Variants in CEP63 observed in about 807,000 individuals in gnomAD.
CEP63 encodes centrosomal protein 63.
CEP63 carries 84 observed loss-of-function variants against 89.1 expected under a neutral mutation model. That is an observed-to-expected ratio of 0.94 (90% CI 0.79 to 1.13). The LOEUF (loss-of-function observed/expected upper bound fraction) is 1.13, where lower values mean the gene tolerates loss of function less well. Among genes scored for constraint, CEP63 ranks in the 50% most tolerant of loss-of-function variants. The pLI, the probability that CEP63 is intolerant of heterozygous loss-of-function variation, is 0.00. For synonymous variants in CEP63, 267 were observed against 272.5 expected, an observed-to-expected ratio of 0.98 and a Z score of 0.20; for missense variants, 838 against 813.3, an observed-to-expected ratio of 1.03 and a Z score of -0.37.
At chr3:134,627,659 AT>A in the CEP63 span, 1 of 1,090,706 alleles carries the variant, frequency 9.2e-7, no homozygotes, top group Non-Finnish European at 1.4e-6. Context: ...GCCTCTCAGC[AT>A]AGTGGCCCAG....
the CEP63 span, chr3:134,629,596 C>A: frequency 6.4e-7 from 1 of 1,571,478 alleles, no homozygotes; most frequent in Admixed American, 1.8e-5. Flanking sequence ...CAGCCCTCCA[C>A]CATGAGTACC....
the CEP63 span, among the ~76,000 whole-genome samples, chr3:134,700,172 C>T: frequency 6.6e-6 from 1 of 152,346 alleles, no homozygotes; most frequent in East Asian, 1.9e-4. Context: ...ATTTTTTTCA[C>T]TGCCAATATT....
At chr3:134,698,128 G>A in the CEP63 span, among the ~76,000 whole-genome samples, 1 of 152,204 alleles carries the variant, frequency 6.6e-6, no homozygotes, top group South Asian at 2.1e-4. Flanking sequence ...AGCATGGATG[G>A]CACACTTTCC....
At chr3:134,505,975 T>C (rs1576849206) in intron 2 of CEP63, among the ~76,000 whole-genome samples, 1 of 152,278 alleles carries the variant, frequency 6.6e-6, no homozygotes, top group South Asian at 2.1e-4. Flanking sequence ...TCACAGCATT[T>C]TGGGGGGACT....
At chr3:134,636,398 C>T in the CEP63 span, among the ~76,000 whole-genome samples, 1 of 152,220 alleles carries the variant, frequency 6.6e-6, no homozygotes, top group Non-Finnish European at 1.5e-5. Context: ...GGCCAATTAG[C>T]ACATGCCAGA....
the CEP63 span, among the ~76,000 whole-genome samples, chr3:134,714,690 G>A: frequency 2.0e-5 from 3 of 152,244 alleles, no homozygotes; most frequent in African/African-American, 4.8e-5. Flanking sequence ...TCCCTGGCCA[G>A]CAGCTCAGCT....
intron 11 of CEP63, among the ~76,000 whole-genome samples, chr3:134,571,198 T>C (rs1188131298): frequency 6.6e-6 from 1 of 152,212 alleles, no homozygotes; most frequent in Non-Finnish European, 1.5e-5. Context: ...AGCCTCTGAA[T>C]GGGATTAGGA....
chr3:134,515,313 T>A (rs1240711409), intron 3 of CEP63, among the ~76,000 whole-genome samples: 1 of 152,130 alleles, frequency 6.6e-6, no homozygotes, highest in Non-Finnish European at 1.5e-5. Context: ...TGTAACAAGA[T>A]GAAAGCTTTA....
At chr3:134,645,102 T>C in the CEP63 span, among the ~76,000 whole-genome samples, 2,730 of 152,322 alleles carry the variant, frequency 0.018, 113 homozygotes, top group South Asian at 0.11. Context: ...GGCTGCACAA[T>C]TGGTTTCCCT....
At chr3:134,588,920 G>T (rs543811881), downstream of CEP63, among the ~76,000 whole-genome samples, 1 of 151,992 alleles carries the variant, frequency 6.6e-6, no homozygotes, top group Non-Finnish European at 1.5e-5. Flanking sequence ...TAACAAAAAG[G>T]CATCAATAAC....
intron 5 of CEP63, 67 bp from the exon 6 acceptor site, chr3:134,537,088 G>A: frequency 1.0e-6 from 1 of 964,282 alleles, no homozygotes; most frequent in Non-Finnish European, 1.7e-6. Flanking sequence ...AAAGTTAAAG[G>A]GAGTCTGGGA....
intron 6 of CEP63, among the ~76,000 whole-genome samples, chr3:134,541,551 T>C (rs1441417754): frequency 1.3e-5 from 2 of 150,332 alleles, no homozygotes; most frequent in Non-Finnish European, 3.0e-5. Context: ...TTTTCGCTCT[T>C]GTTGCCCAGG....
rs151116336 is a variant in CEP63, at chr3:134,545,599, A to G, written c.569A>G (p.Asn190Ser). The change falls in exon 7 of 15, where the codon AAT becomes AGT. Residue 190 changes from asparagine (N) to serine (S), a missense_variant. Coordinates refer to ENST00000675561, the MANE Select transcript of CEP63 (RefSeq NM_001353108.3). ...CTGTGTTTCTAGGCTCAGCTTGTCA[A>G]TCGGAAACAGAAATTAGAGTCTGTG... Reference protein sequence around the residue: ...QSEIIQAQLVNRKQKLESVEL... With the variant: ...QSEIIQAQLVSRKQKLESVEL... 155 of 1,613,752 alleles carry G rather than the reference A, an allele frequency of 9.6e-5. No homozygotes were observed. Among genetic ancestry groups the G allele is most frequent in the Admixed American group, 1.7e-4 (10 of 60,000 alleles).
chr3:134,599,889 G>A, the CEP63 span, among the ~76,000 whole-genome samples: 1 of 152,242 alleles, frequency 6.6e-6, no homozygotes, highest in South Asian at 2.1e-4. Context: ...CACCTTGTGA[G>A]ATACATGATA....
the CEP63 span, among the ~76,000 whole-genome samples, chr3:134,625,395 T>A: frequency 6.6e-6 from 1 of 152,246 alleles, no homozygotes; most frequent in African/African-American, 2.4e-5. Context: ...CTCTGAGAAG[T>A]CAGAAGTAGG....
At chr3:134,504,150 CT>C (rs1942862887) in intron 2 of CEP63, among the ~76,000 whole-genome samples, 1 of 148,966 alleles carries the variant, frequency 6.7e-6, no homozygotes, top group South Asian at 2.1e-4. Flanking sequence ...ATGCCTTTCT[CT>C]TTCTCATTTG....
chr3:134,623,308 GC>G, the CEP63 span, among the ~76,000 whole-genome samples: 2 of 152,130 alleles, frequency 1.3e-5, no homozygotes, highest in Non-Finnish European at 2.9e-5. Context: ...AAAAATCTGG[GC>G]CCTTTGCAGA....
At chr3:134,710,292 C>T in the CEP63 span, among the ~76,000 whole-genome samples, 1 of 152,106 alleles carries the variant, frequency 6.6e-6, no homozygotes, top group Admixed American at 6.5e-5. Flanking sequence ...GGCTGGCTGG[C>T]CTCTCCCTGG....
chr3:134,487,207 G>C lies in CEP63; in HGVS notation c.-26+1005G>C, dbSNP rs138379797. 2.6e-3 allele frequency among the ~76,000 whole-genome samples: 393 copies of C among 152,278 alleles called. 2 individuals carry two copies. Among genetic ancestry groups the C allele is most frequent in the African/African-American group, 9.0e-3 (374 of 41,546 alleles). ...CATAAGGATCGTTGATTAGATTTCT[G>C]TTAGCTGTAGCTTAATGATAAAGTG... On this transcript the variant is annotated intron_variant, in intron 1 of 14. Coordinates refer to ENST00000675561, the MANE Select transcript of CEP63 (RefSeq NM_001353108.3).
Sources: gnomAD v4.1 joint callset for allele counts (sites outside exome capture counted in the v4.1 genomes callset) on GRCh38, gnomAD v4.1.1 for gene constraint, MANE v1.5 for transcripts, NCBI Gene and HGNC (gene_info 2026-07-23, HGNC 2026-07-21) for gene names.